Variants in KRT76 observed in about 807,000 individuals in gnomAD.
KRT76 encodes the protein keratin, type II cytoskeletal 2 oral.
KRT76 carries 47 observed loss-of-function variants against 44.9 expected under a neutral mutation model. That is an observed-to-expected ratio of 1.05 (90% CI 0.83 to 1.33). The LOEUF (loss-of-function observed/expected upper bound fraction) is 1.33. Ranked by LOEUF, KRT76 falls within the 40% of genes most tolerant of loss-of-function variation. The pLI, the probability that KRT76 is intolerant of heterozygous loss-of-function variation, is 0.00. For missense variants in KRT76, 860 were observed against 775.8 expected (o/e 1.11, Z -1.29); for synonymous variants, 331 against 294.1 (o/e 1.13, Z -1.28).
chr12:52,772,881 G>A lies in KRT76; in HGVS notation c.877-3C>T. 1 of 1,611,770 alleles carries A rather than the reference G, an allele frequency of 6.2e-7. No homozygotes were observed. ...TTCATGAAAGCCGCATCCACATCCT[G>A]CAGAGGAGGTCAGAAACCCAGAGAA... On this transcript the variant is annotated splice_polypyrimidine_tract_variant and splice_region_variant and intron_variant, in intron 3 of 8. Transcript: ENST00000332411.
Position 52,768,735 on chromosome 12 carries a change from C to A in KRT76, c.1895G>T (p.Ser632Ile), listed in dbSNP as rs751404138. ...SIRFSQTTSS[S>I]QHSSTK ...AGATCACTTGGTGGAGCTATGCTGG[C>A]TTGAGCTCGTGGTCTGGGAGAAGCG... Residue 632 changes from serine to isoleucine, a missense_variant, in exon 9 of 9, where the codon AGC becomes ATC. Ser to Ile is a moderately radical substitution (Grantham distance 142). Coordinates refer to ENST00000332411, the MANE Select transcript of KRT76 (RefSeq NM_015848.4). 5.2e-5 allele frequency: 83 copies of A among 1,601,928 alleles called. No homozygotes were observed. Among genetic ancestry groups the A allele is most frequent in the South Asian group, 3.8e-4 (34 of 90,522 alleles).
intron 3 of KRT76, 114 bp downstream of exon 3, chr12:52,773,468 C>A (rs1003360202): frequency 1.5e-6 from 1 of 654,510 alleles, no homozygotes; most frequent in African/African-American, 1.8e-5. Flanking sequence ...GGAAAAGTGT[C>A]AATCCCACAC....
Position 52,771,864 on chromosome 12 carries a change from G to A in KRT76, c.1263+7C>T. ...CTCTGGGATCTCTCCGTTAAACCCA[G>A]CCCCACCTGCTTCTTGACATTTTCA... On this transcript the variant is annotated splice_region_variant and intron_variant, in intron 6 of 8. Coordinates refer to ENST00000332411, the MANE Select transcript of KRT76 (RefSeq NM_015848.4). The A allele has an allele frequency of 6.2e-7, 1 of 1,612,896 alleles. No homozygotes were observed. Among genetic ancestry groups the A allele is most frequent in the Non-Finnish European group, 8.5e-7 (1 of 1,179,210 alleles).
intron 8 of KRT76, among the ~76,000 whole-genome samples, 183 bp from the exon 9 acceptor site, chr12:52,769,293 C>A (rs2121182732): frequency 6.6e-6 from 1 of 152,318 alleles, no homozygotes; most frequent in South Asian, 2.1e-4. Context: ...AGAACAGGAA[C>A]CAGAAATCTA....
At chr12:52,769,663 C>T (rs947738289) in intron 7 of KRT76, 80 bp from the exon 8 acceptor site, 7 of 1,262,944 alleles carry the variant, frequency 5.5e-6, no homozygotes, top group Non-Finnish European at 8.1e-6. Context: ...CTTTGGGAGC[C>T]ACGCCCTCCC....
Position 52,773,635 on chromosome 12 carries a change from C to T in KRT76, c.823G>A (p.Asp275Asn), listed in dbSNP as rs1939219071. The T allele has an allele frequency of 6.2e-7, 1 of 1,613,022 alleles. No homozygotes were observed. Residue 275 changes from aspartate (D) to asparagine (N), a missense_variant, in exon 3 of 9, where the codon GAT becomes AAT. Coordinates refer to ENST00000332411, the MANE Select transcript of KRT76 (RefSeq NM_015848.4). ...GCGGCAGTGCGTTTGTTGATTTCAT[C>T]TTCATACCTGGAACAAGAAGAGGCA... Reference protein sequence around the residue: ...LVEDFKKKYEDEINKRTAAEN... With the variant: ...LVEDFKKKYENEINKRTAAEN...
chr12:52,772,621 G>A (rs924767451), intron 4 of KRT76, among the ~76,000 whole-genome samples, 162 bp downstream of exon 4: 1 of 152,222 alleles, frequency 6.6e-6, no homozygotes, highest in Non-Finnish European at 1.5e-5. Context: ...CCAGGTCTAT[G>A]CAGACTGAAG....
Position 52,771,875 on chromosome 12 carries a change from T to C in KRT76, c.1259A>G (p.Lys420Arg). The C allele has an allele frequency of 6.2e-7, 1 of 1,613,592 alleles. No individual in the cohort carries two copies. The highest frequency in any genetic ancestry group is 1.3e-5 in the African/African-American group (1 of 75,032). Reference sequence around the variant, plus strand: ...CTCCGTTAAACCCAGCCCCACCTGCTTCTTGACATTTTCAATCTCAGCCCG... The same window carrying C: ...CTCCGTTAAACCCAGCCCCACCTGCCTCTTGACATTTTCAATCTCAGCCCG... ...RLRAEIENVK[K>R]QNANLQTAIA... Residue 420 changes from lysine to arginine, a missense_variant, in exon 6 of 9, where the codon AAG becomes AGG. Coordinates refer to ENST00000332411, the MANE Select transcript of KRT76 (RefSeq NM_015848.4).
Position 52,770,889 on chromosome 12 carries a change from C to T in KRT76, c.1484+110G>A. On this transcript the variant is annotated intron_variant, in intron 7 of 8. Coordinates refer to ENST00000332411, the MANE Select transcript of KRT76 (RefSeq NM_015848.4). Reference sequence around the variant, plus strand: ...CCTTGACTCTGTCATTCAAGACACTCCTTGCCCTTTGTCTTAGTGTTCCTC... The same window carrying T: ...CCTTGACTCTGTCATTCAAGACACTTCTTGCCCTTTGTCTTAGTGTTCCTC... 21 of 1,393,870 alleles carry T rather than the reference C, an allele frequency of 1.5e-5. No homozygotes were observed. In the South Asian group the frequency reaches 2.6e-4, roughly 17 times the overall value. 86.3% of individuals were successfully genotyped at this position (1,393,870 alleles called of 1,614,324 possible).
intron 6 of KRT76, 99 bp from the exon 7 acceptor site, chr12:52,771,318 T>C (rs1370281245): frequency 2.5e-6 from 3 of 1,181,628 alleles, no homozygotes; most frequent in Non-Finnish European, 1.2e-6. Context: ...CCTTCCTCCC[T>C]TTCCTTAGAA....
intron 8 of KRT76, 102 bp downstream of exon 8, chr12:52,769,447 C>T (rs1592292504): frequency 6.9e-6 from 7 of 1,018,232 alleles, no homozygotes; most frequent in Middle Eastern, 2.3e-4. Context: ...GCCTGACTTC[C>T]TTGGATGGAA....
rs1375819165 is a variant in KRT76, at chr12:52,772,807, G to A, written c.948C>T (p.Ser316=). 2.5e-6 allele frequency: 4 copies of A among 1,613,618 alleles called. No individual in the cohort carries two copies. Among genetic ancestry groups the A allele is most frequent in the Admixed American group, 3.3e-5 (2 of 60,028 alleles). ...CCATCTCATAGAGGGTCCTCAGGAA[G>A]CTGACTTCATCTGTCAGGCTGTCCA... is the stretch of plus-strand genomic sequence containing the variant. ...AKVDSLTDEV[S]FLRTLYEMEL... The change falls in exon 4 of 9, where the codon AGC becomes AGT. Residue 316 remains serine, a synonymous_variant. Transcript: ENST00000332411.
In KRT76 at chr12:52,772,177, T is replaced by C. The variant is rs1336313337; in HGVS notation, c.1054A>G (p.Ser352Gly). Residue 352 changes from serine (S) to glycine (G), a missense_variant, in exon 5 of 9, where the codon AGC becomes GGC. Physicochemically the swap from Ser to Gly is moderately conservative, Grantham distance 56. Coordinates refer to ENST00000332411, the MANE Select transcript of KRT76 (RefSeq NM_015848.4). ...TGGGCGCGGACCTCGGCAATGATGC[T>C]GCCCAGGTCCAGGCAGCGGTTGTTG... ...MDNNRCLDLG[S>G]IIAEVRAQYE... The C allele has an allele frequency of 6.2e-7, 1 of 1,613,672 alleles. No individual in the cohort carries two copies. Among genetic ancestry groups the C allele is most frequent in the Non-Finnish European group, 8.5e-7 (1 of 1,179,808 alleles).
intron 8 of KRT76, 70 bp downstream of exon 8, chr12:52,769,479 C>T (rs1939145988): frequency 7.5e-7 from 1 of 1,331,036 alleles, no homozygotes; most frequent in Non-Finnish European, 1.1e-6. Flanking sequence ...GCCTGAAGGT[C>T]AGTCAGTGAG....
In KRT76 at chr12:52,772,148, A is replaced by G; in HGVS notation, c.1083T>C (p.Tyr361=). The G allele has an allele frequency of 6.2e-7, 1 of 1,613,714 alleles. No individual in the cohort carries two copies. The highest frequency in any genetic ancestry group is 1.1e-5 in the South Asian group (1 of 90,968). The change falls in exon 5 of 9, where the codon TAT becomes TAC. Residue 361 remains tyrosine, a synonymous_variant. Transcript: ENST00000332411. ...GSIIAEVRAQ[Y]EEIAQRSKSE... The stretch of plus-strand genomic sequence containing the variant: ...ACTTGCTCCTCTGGGCAATCTCCTC[A>G]TACTGGGCGCGGACCTCGGCAATGA...
rs201176061 is a variant in KRT76 at position 52,775,354 on chromosome 12, C to G, written c.815+34G>C. 4 of 1,601,200 alleles carry G rather than the reference C, an allele frequency of 2.5e-6. No homozygotes were observed. In the African/African-American group the frequency reaches 5.4e-5, roughly 21 times the overall value. On this transcript the variant is annotated intron_variant, in intron 2 of 8. Coordinates refer to ENST00000332411, the MANE Select transcript of KRT76 (RefSeq NM_015848.4). ...AGGACCACACCTCCCTGCTAATTCCCCAGAAGGGGAAACTTCCCAGGAGGA... is the reference window on the plus strand; with the variant it reads ...AGGACCACACCTCCCTGCTAATTCCGCAGAAGGGGAAACTTCCCAGGAGGA...
At chr12:52,774,877 A>G (rs930210192) in intron 2 of KRT76, among the ~76,000 whole-genome samples, 19 of 152,158 alleles carry the variant, frequency 1.2e-4, no homozygotes, top group African/African-American at 4.6e-4. Context: ...TGGAACGTGG[A>G]GGAGGAGGCA....
At chr12:52,769,158 G>A (rs1939141270) in intron 8 of KRT76, 48 bp from the exon 9 acceptor site, 5 of 659,970 alleles carry the variant, frequency 7.6e-6, no homozygotes, top group Non-Finnish European at 1.1e-5. Context: ...TGGGAAACTG[G>A]AAGCCAAGGA....
chr12:52,772,127 G>T lies in KRT76; in HGVS notation c.1104C>A (p.Ser368Arg). 6.2e-7 allele frequency: 1 copy of T among 1,612,794 alleles called. No individual in the cohort carries two copies. The highest frequency in any genetic ancestry group is 8.5e-7 in the Non-Finnish European group (1 of 1,179,268). The change falls in exon 5 of 9, where the codon AGC becomes AGA. Residue 368 changes from serine (S) to arginine (R), a missense_variant. Ser to Arg is a moderately radical substitution (Grantham distance 110). Transcript: ENST00000332411. ...RAQYEEIAQRSKSEAEALYQT... is the reference protein window; with the variant it reads ...RAQYEEIAQRRKSEAEALYQT... ...GGTACAGGGCCTCAGCTTCAGACTT[G>T]CTCCTCTGGGCAATCTCCTCATACT... is the stretch of plus-strand genomic sequence containing the variant.
Sources: allele counts gnomAD v4.1 joint callset (sites outside exome capture counted in the v4.1 genomes callset), GRCh38; gene constraint gnomAD v4.1.1; transcripts MANE v1.5; gene names NCBI Gene and HGNC (gene_info 2026-07-23, HGNC 2026-07-21).